DYSF: variants seen among roughly 807,000 people sequenced by gnomAD.
DYSF encodes the protein dysferlin.
DYSF carries 212 observed loss-of-function variants against 274.9 expected under a neutral mutation model. The observed-to-expected ratio is 0.77, with a 90% CI of 0.69 to 0.86. The LOEUF (loss-of-function observed/expected upper bound fraction) is 0.86. Ranked by LOEUF, DYSF falls within the 40% of genes least tolerant of loss-of-function variation. The probability of loss-of-function intolerance (pLI) is 0.00; values close to 1 mark genes in which losing one functional copy is unlikely to be tolerated. For synonymous variants in DYSF, 1,091 were observed against 1,078.7 expected (o/e 1.01, Z -0.22); for missense variants, 2,666 against 2,783.2 (o/e 0.96, Z 0.95).
At chr2:71,650,988 T>A (rs2094647720) in intron 42 of DYSF, among the ~76,000 whole-genome samples, 1 of 152,116 alleles carries the variant, frequency 6.6e-6, no homozygotes. Flanking sequence ...AATTACAGAA[T>A]GCCGGGAAAA....
At chr2:71,558,000 C>T in intron 22 of DYSF, among the ~76,000 whole-genome samples, 1 of 151,818 alleles carries the variant, frequency 6.6e-6, no homozygotes, top group East Asian at 1.9e-4. Flanking sequence ...CCCCTACACT[C>T]CAGACTGGGT....
chr2:71,607,117 G>A (rs954648972), intron 36 of DYSF, among the ~76,000 whole-genome samples: 1 of 152,234 alleles, frequency 6.6e-6, no homozygotes, highest in Admixed American at 6.5e-5. Context: ...ATGGGAATAA[G>A]TGTAAGTTGC....
At chr2:71,601,127 G>A (rs2093539422) in intron 34 of DYSF, 3 of 589,936 alleles carry the variant, frequency 5.1e-6, no homozygotes, top group Non-Finnish European at 9.0e-6. Context: ...TTGCCACAAT[G>A]TGAGGGACTC....
At chr2:71,611,152 C>A in intron 36 of DYSF, 93 bp from the exon 37 acceptor site, 3 of 943,212 alleles carry the variant, frequency 3.2e-6, no homozygotes, top group Non-Finnish European at 5.2e-6. Context: ...CTGCACTTGG[C>A]ATTTCTTTCT....
intron 1 of DYSF, among the ~76,000 whole-genome samples, chr2:71,480,262 G>C (rs2082773434): frequency 6.6e-6 from 1 of 152,304 alleles, no homozygotes; most frequent in Non-Finnish European, 1.5e-5. Context: ...GGCTGGATGT[G>C]GTGGCTCACA....
chr2:71,479,550 C>T (rs1025288465), intron 1 of DYSF, among the ~76,000 whole-genome samples: 8 of 152,226 alleles, frequency 5.3e-5, no homozygotes, highest in Admixed American at 6.5e-5. Context: ...CAGCCTACGG[C>T]TCTTCCATGG....
chr2:71,658,719 A>G (rs1201278564), intron 43 of DYSF, among the ~76,000 whole-genome samples, 159 bp from the exon 44 acceptor site: 2 of 152,212 alleles, frequency 1.3e-5, no homozygotes, highest in East Asian at 3.9e-4. Flanking sequence ...TAGCATGGGA[A>G]AGACTGGCCC....
chr2:71,556,458 A>G (rs1251463433), intron 22 of DYSF, among the ~76,000 whole-genome samples: 2 of 152,010 alleles, frequency 1.3e-5, no homozygotes, highest in African/African-American at 4.8e-5. Flanking sequence ...TTAGCTTTCT[A>G]TTGACATGGC....
intron 3 of DYSF, among the ~76,000 whole-genome samples, chr2:71,487,376 C>T (rs1272040273): frequency 1.3e-5 from 2 of 152,104 alleles, no homozygotes; most frequent in Non-Finnish European, 2.9e-5. Flanking sequence ...GTCTGAGCTC[C>T]GCACTAAGCT....
intron 13 of DYSF, among the ~76,000 whole-genome samples, chr2:71,527,820 A>C (rs75881983): frequency 0.17 from 25,458 of 152,148 alleles, 2,261 homozygotes; most frequent in African/African-American, 0.2. Context: ...GATTCAAAAA[A>C]TAATGGTTTG....
chr2:71,661,205 G>A (rs1336701666), intron 45 of DYSF, among the ~76,000 whole-genome samples: 2 of 142,628 alleles, frequency 1.4e-5, no homozygotes, highest in African/African-American at 2.6e-5. Context: ...TTTTTTTTAA[G>A]ATAAACTTTT....
At chr2:71,554,244 A>T (rs893118152) in intron 21 of DYSF, among the ~76,000 whole-genome samples, 1 of 151,680 alleles carries the variant, frequency 6.6e-6, no homozygotes, top group African/African-American at 2.4e-5. Flanking sequence ...TCGCTTACTC[A>T]CTCATTACAG....
intron 27 of DYSF, 88 bp downstream of exon 27, chr2:71,570,022 C>G (rs1431061201): frequency 7.9e-6 from 10 of 1,268,356 alleles, no homozygotes; most frequent in Non-Finnish European, 1.1e-5. Context: ...GCATGTTTCT[C>G]TTTGCCCCCT....
chr2:71,510,566 T>A (rs566458767), intron 4 of DYSF, among the ~76,000 whole-genome samples: 1 of 152,132 alleles, frequency 6.6e-6, no homozygotes, highest in Non-Finnish European at 1.5e-5. Context: ...CCAGTGCTGC[T>A]CTCCTTAGTG....
At chr2:71,494,823 A>G (rs1243311576) in intron 3 of DYSF, among the ~76,000 whole-genome samples, 2 of 152,186 alleles carry the variant, frequency 1.3e-5, no homozygotes. Context: ...CTGGGGCTGG[A>G]TTATTCATTA....
intron 30 of DYSF, among the ~76,000 whole-genome samples, chr2:71,578,401 TTGG>T (rs1490994907): frequency 6.6e-6 from 1 of 152,136 alleles, no homozygotes; most frequent in Admixed American, 6.5e-5. Flanking sequence ...TCCCTGCTGC[TTGG>T]TGGGGGAAAT....
At chr2:71,453,690 T>A in exon 1 of DYSF, 1 of 446,190 alleles carries the variant, frequency 2.2e-6, no homozygotes, top group Non-Finnish European at 4.2e-6. Context: ...AGCATTAGAT[T>A]ACAGCTCGAC....
intron 3 of DYSF, among the ~76,000 whole-genome samples, chr2:71,492,098 A>C (rs539701138): frequency 6.6e-6 from 1 of 152,212 alleles, no homozygotes; most frequent in Non-Finnish European, 1.5e-5. Flanking sequence ...GATTTTTATG[A>C]CTATATTTTG....
intron 17 of DYSF, among the ~76,000 whole-genome samples, chr2:71,544,437 A>G (rs2090293079): frequency 6.7e-6 from 1 of 150,186 alleles, no homozygotes; most frequent in African/African-American, 2.5e-5. Context: ...AGACTGGAGG[A>G]GATACCATTT....
Sources: gnomAD v4.1 joint callset for allele counts (sites outside exome capture counted in the v4.1 genomes callset) on GRCh38, gnomAD v4.1.1 for gene constraint, MANE v1.5 for transcripts, NCBI Gene and HGNC (gene_info 2026-07-23, HGNC 2026-07-21) for gene names.